The following GPR158 variants were observed in gnomAD, a reference collection of about 807,000 sequenced individuals.
GPR158 encodes G protein-coupled receptor 158.
In GPR158, 30 loss-of-function variants were observed where a neutral mutation model predicts 78.2. That is an observed-to-expected ratio of 0.38 (90% CI 0.29 to 0.52). The LOEUF (loss-of-function observed/expected upper bound fraction) is 0.52. GPR158 is among the 20% of genes least tolerant of loss of function. The pLI, the probability that GPR158 is intolerant of heterozygous loss-of-function variation, is 0.83. For missense variants in GPR158, 1,463 were observed against 1,523.5 expected (o/e 0.96, Z 0.66); for synonymous variants, 581 against 591.1 (o/e 0.98, Z 0.25).
chr10:25,506,785 G>A (rs1836018573), intron 5 of GPR158, among the ~76,000 whole-genome samples: 2 of 152,240 alleles, frequency 1.3e-5, no homozygotes, highest in Non-Finnish European at 2.9e-5. Context: ...AGATAATGAA[G>A]AGTAGCTGGG....
chr10:25,550,746 C>T (rs559246696), intron 5 of GPR158, among the ~76,000 whole-genome samples: 1 of 152,164 alleles, frequency 6.6e-6, no homozygotes, highest in African/African-American at 2.4e-5. Flanking sequence ...TGCTATCCCT[C>T]CCCCCAAAGT....
At chr10:25,196,352 TTGTC>T (rs1564388463) in intron 1 of GPR158, among the ~76,000 whole-genome samples, 1 of 152,164 alleles carries the variant, frequency 6.6e-6, no homozygotes, top group Admixed American at 6.5e-5. Context: ...TTTTTCATAG[TTGTC>T]TGTTCATTTT....
chr10:25,399,078 C>G (rs955529580), intron 3 of GPR158, among the ~76,000 whole-genome samples: 1 of 152,140 alleles, frequency 6.6e-6, no homozygotes, highest in East Asian at 1.9e-4. Flanking sequence ...TTTCACATGG[C>G]TAGAGAGGCT....
At chr10:25,307,112 A>G (rs547855567) in intron 2 of GPR158, among the ~76,000 whole-genome samples, 34 of 152,202 alleles carry the variant, frequency 2.2e-4, no homozygotes, top group African/African-American at 7.5e-4. Flanking sequence ...CCTACCATTC[A>G]TTAAATGTGT....
At chr10:25,395,475 T>C (rs766715552) in intron 2 of GPR158, among the ~76,000 whole-genome samples, 14 of 152,162 alleles carry the variant, frequency 9.2e-5, no homozygotes, top group Non-Finnish European at 1.8e-4. Flanking sequence ...TTTCACATCT[T>C]AAATTTTACT....
chr10:25,358,151 C>A (rs771868841), intron 2 of GPR158, among the ~76,000 whole-genome samples: 1 of 152,064 alleles, frequency 6.6e-6, no homozygotes, highest in Non-Finnish European at 1.5e-5. Context: ...GCTTTATTTA[C>A]CCAATGCCTG....
chr10:25,521,064 G>C (rs974662721), intron 5 of GPR158, among the ~76,000 whole-genome samples: 3 of 152,316 alleles, frequency 2.0e-5, no homozygotes, highest in African/African-American at 7.2e-5. Flanking sequence ...ATATAGTCTC[G>C]TGGTGCGCCA....
chr10:25,222,699 G>A (rs1853316329), intron 2 of GPR158, among the ~76,000 whole-genome samples: 1 of 152,136 alleles, frequency 6.6e-6, no homozygotes, highest in African/African-American at 2.4e-5. Flanking sequence ...ATATTGTTCT[G>A]TTAGGAGCAG....
intron 7 of GPR158, among the ~76,000 whole-genome samples, chr10:25,579,954 A>G (rs533880421): frequency 6.6e-6 from 1 of 152,272 alleles, no homozygotes; most frequent in African/African-American, 2.4e-5. Flanking sequence ...TGATCTAATA[A>G]CTATTCCCTG....
chr10:25,594,178 C>T, intron 8 of GPR158, 114 bp from the exon 9 acceptor site: 2 of 645,954 alleles, frequency 3.1e-6, no homozygotes, highest in Non-Finnish European at 5.5e-6. Flanking sequence ...AATAGTAATA[C>T]AATTTCCTTT....
intron 7 of GPR158, among the ~76,000 whole-genome samples, chr10:25,576,335 T>C (rs971605115): frequency 1.3e-5 from 2 of 152,152 alleles, no homozygotes; most frequent in African/African-American, 4.8e-5. Context: ...AGAACTCCTT[T>C]CTGATCACAA....
chr10:25,331,404 C>G (rs1219086338), intron 2 of GPR158, among the ~76,000 whole-genome samples: 2 of 152,148 alleles, frequency 1.3e-5, no homozygotes, highest in Non-Finnish European at 2.9e-5. Context: ...AATTTTAGTA[C>G]TTGAATTAGA....
chr10:25,360,138 A>T (rs1855611364), intron 2 of GPR158, among the ~76,000 whole-genome samples: 1 of 152,144 alleles, frequency 6.6e-6, no homozygotes. Flanking sequence ...AGTTCTTTGT[A>T]GATTCTGGAT....
At chr10:25,380,185 C>T (rs1478887850) in intron 2 of GPR158, among the ~76,000 whole-genome samples, 1 of 152,118 alleles carries the variant, frequency 6.6e-6, no homozygotes, top group East Asian at 1.9e-4. Flanking sequence ...CACTATCCAG[C>T]TTAAGAAATA....
At chr10:25,436,861 TTAGAG>T (rs1835003914) in intron 4 of GPR158, among the ~76,000 whole-genome samples, 1 of 152,050 alleles carries the variant, frequency 6.6e-6, no homozygotes, top group African/African-American at 2.4e-5. Flanking sequence ...AGGGAAGTGT[TTAGAG>T]TAAGGAAAGA....
chr10:25,287,708 G>C (rs1854372624), intron 2 of GPR158, among the ~76,000 whole-genome samples: 1 of 152,066 alleles, frequency 6.6e-6, no homozygotes, highest in Non-Finnish European at 1.5e-5. Context: ...GCAAGTACCT[G>C]CCTTTCCTTA....
chr10:25,455,459 T>C (rs1293034616), intron 4 of GPR158, among the ~76,000 whole-genome samples: 1 of 152,192 alleles, frequency 6.6e-6, no homozygotes, highest in Non-Finnish European at 1.5e-5. Context: ...TACTGTCAGA[T>C]TTCTGTATGT....
Position 25,596,497 on chromosome 10 carries a change from A to C in GPR158, c.1999-146A>C, listed in dbSNP as rs551468387. On this transcript the variant is annotated intron_variant, in intron 9 of 10. Transcript: ENST00000376351. ...TGTCTGTCTGTGTCTCTCTCTCTCT[A>C]TCTATCTATCTATATATATAGATAG... 584 of 559,732 alleles carry C rather than the reference A, an allele frequency of 1.0e-3. 2 individuals carry two copies. Among genetic ancestry groups the C allele is most frequent in the African/African-American group, 2.7e-3 (140 of 51,632 alleles). The allele number at this position is 559,732 out of a possible 1,614,324, so 34.7% of individuals were successfully genotyped here.
chr10:25,283,228 T>C (rs573590148), intron 2 of GPR158, among the ~76,000 whole-genome samples: 1 of 152,158 alleles, frequency 6.6e-6, no homozygotes, highest in Admixed American at 6.5e-5. Context: ...TCTGGAATAG[T>C]TTGTGCCTTT....
Sources: allele counts gnomAD v4.1 joint callset (sites outside exome capture counted in the v4.1 genomes callset), GRCh38; gene constraint gnomAD v4.1.1; transcripts MANE v1.5; gene names NCBI Gene and HGNC (gene_info 2026-07-23, HGNC 2026-07-21).